FMN2: variants seen among roughly 807,000 people sequenced by gnomAD.
FMN2 encodes formin-2.
FMN2 carries 51 observed loss-of-function variants against 142.3 expected under a neutral mutation model. That is an observed-to-expected ratio of 0.36 (90% CI 0.29 to 0.45). FMN2 has a LOEUF of 0.45. Among genes scored for constraint, FMN2 ranks in the 20% least tolerant of loss-of-function variants. The pLI is 1.00. For synonymous variants in FMN2, 882 were observed against 869.8 expected (o/e 1.01, Z -0.25); for missense variants, 1,936 against 2,122.8 (o/e 0.91, Z 1.73).
At chr1:240,285,213 A>G (rs1342425732) in intron 7 of FMN2, 4 of 455,372 alleles carry the variant, frequency 8.8e-6, no homozygotes, top group Non-Finnish European at 1.3e-5. Flanking sequence ...GTGAAGTCAT[A>G]TTCTGGATGT....
intron 16 of FMN2, chr1:240,471,863 T>G (rs563629829): frequency 6.4e-6 from 1 of 155,596 alleles, no homozygotes; most frequent in African/African-American, 2.4e-5. Context: ...CATGCTGGTC[T>G]GGAACTCCTG....
chr1:240,152,278 T>G (rs1240072782), intron 2 of FMN2, among the ~76,000 whole-genome samples: 6 of 151,080 alleles, frequency 4.0e-5, no homozygotes, highest in African/African-American at 7.3e-5. Flanking sequence ...TGCTCTTCAC[T>G]GGACCCTTTT....
At chr1:240,412,565 A>G (rs1361515747) in intron 15 of FMN2, among the ~76,000 whole-genome samples, 4 of 152,166 alleles carry the variant, frequency 2.6e-5, no homozygotes, top group African/African-American at 9.6e-5. Flanking sequence ...ACAAAACACA[A>G]GAAAATGATG....
chr1:240,324,831 C>T (rs547609490), intron 8 of FMN2, among the ~76,000 whole-genome samples: 19 of 152,036 alleles, frequency 1.2e-4, no homozygotes, highest in East Asian at 3.9e-4. Context: ...AGCTGTACTA[C>T]GTTATAGTTG....
chr1:240,180,113 A>G (rs888258470), intron 3 of FMN2: 9 of 1,161,158 alleles, frequency 7.8e-6, no homozygotes, highest in Non-Finnish European at 1.0e-5. Flanking sequence ...AAAATGCTAG[A>G]GCAAGTGATT....
rs1297409598 is a variant in FMN2 at position 240,467,578 on chromosome 1, AAG to A, written c.5061-4786_5061-4785del. ...ACCACACCAGGCCTTCCATTTCTTT[AAG>A]AGAGAGAAAAGTTTAATTTGTTTCA... On this transcript the variant is annotated intron_variant, in intron 16 of 17. Coordinates refer to ENST00000319653, the MANE Select transcript of FMN2 (RefSeq NM_020066.5). 2.6e-5 allele frequency among the ~76,000 whole-genome samples: 4 copies of A among 152,062 alleles called. No homozygotes were observed. In the East Asian group the frequency reaches 7.7e-4, roughly 29 times the overall value.
chr1:240,105,673 A>G (rs1402359248), intron 1 of FMN2, among the ~76,000 whole-genome samples: 1 of 152,116 alleles, frequency 6.6e-6, no homozygotes, highest in Non-Finnish European at 1.5e-5. Flanking sequence ...ATATTTTATT[A>G]CTAATGGGAA....
At chr1:240,325,388 C>T (rs1171054173) in intron 8 of FMN2, among the ~76,000 whole-genome samples, 1 of 150,798 alleles carries the variant, frequency 6.6e-6, no homozygotes, top group African/African-American at 2.4e-5. Flanking sequence ...CTTCATTTGG[C>T]CATATTCCTC....
chr1:240,267,553 G>A (rs78509247), intron 7 of FMN2, among the ~76,000 whole-genome samples: 1 of 151,486 alleles, frequency 6.6e-6, no homozygotes, highest in East Asian at 1.9e-4. Context: ...TAATACCTGG[G>A]TGATGAAATA....
chr1:240,110,362 C>T (rs1201642034), intron 1 of FMN2, among the ~76,000 whole-genome samples: 2 of 152,214 alleles, frequency 1.3e-5, no homozygotes, highest in African/African-American at 4.8e-5. Context: ...ACAGAGCTGA[C>T]AGTAGATGCA....
At chr1:240,277,065 C>A (rs184069401) in intron 7 of FMN2, among the ~76,000 whole-genome samples, 1 of 152,170 alleles carries the variant, frequency 6.6e-6, no homozygotes, top group Non-Finnish European at 1.5e-5. Context: ...TACAGAGGAA[C>A]ATAAACAATA....
intron 13 of FMN2, among the ~76,000 whole-genome samples, chr1:240,335,166 A>G (rs1671516407): frequency 6.6e-6 from 1 of 152,158 alleles, no homozygotes; most frequent in Admixed American, 6.5e-5. Flanking sequence ...TTATGTATTC[A>G]ACAACATTTA....
intron 16 of FMN2, among the ~76,000 whole-genome samples, chr1:240,456,754 C>G (rs983761008): frequency 6.6e-6 from 1 of 152,174 alleles, no homozygotes; most frequent in African/African-American, 2.4e-5. Flanking sequence ...CTGCACCCGG[C>G]GGAAGAGTGC....
intron 16 of FMN2, among the ~76,000 whole-genome samples, chr1:240,446,652 C>T (rs1352247002): frequency 1.3e-5 from 2 of 152,118 alleles, no homozygotes; most frequent in African/African-American, 4.8e-5. Flanking sequence ...CTTTAGGATA[C>T]TTTCAAATGG....
chr1:240,113,059 A>G (rs945342992), intron 1 of FMN2, among the ~76,000 whole-genome samples: 28 of 152,206 alleles, frequency 1.8e-4, no homozygotes, highest in Non-Finnish European at 4.4e-5. Context: ...CACTTGAAAA[A>G]GTTAAAATTA....
At chr1:240,446,675 A>G (rs1675827769) in intron 16 of FMN2, among the ~76,000 whole-genome samples, 1 of 152,202 alleles carries the variant, frequency 6.6e-6, no homozygotes. Context: ...ATAATTTGCT[A>G]GAGGAAGTAC....
intron 2 of FMN2, among the ~76,000 whole-genome samples, chr1:240,159,335 T>A (rs1157030277): frequency 6.6e-5 from 10 of 152,182 alleles, no homozygotes. Context: ...TTTAGTAATT[T>A]GAGAGATATT....
intron 2 of FMN2, among the ~76,000 whole-genome samples, chr1:240,152,535 C>A (rs191756566): frequency 1.3e-5 from 2 of 152,170 alleles, no homozygotes; most frequent in Admixed American, 1.3e-4. Context: ...TAGCATCATG[C>A]GGTAGACTCA....
intron 15 of FMN2, among the ~76,000 whole-genome samples, chr1:240,414,809 A>G (rs1674523322): frequency 1.3e-5 from 2 of 152,216 alleles, no homozygotes; most frequent in Admixed American, 6.5e-5. Flanking sequence ...AAAATCTACT[A>G]TTTTGACCCT....
Sources: allele counts gnomAD v4.1 joint callset (sites outside exome capture counted in the v4.1 genomes callset), GRCh38; gene constraint gnomAD v4.1.1; transcripts MANE v1.5; gene names NCBI Gene and HGNC (gene_info 2026-07-23, HGNC 2026-07-21).